Variants in CNTNAP2 observed in about 807,000 individuals in gnomAD.
The protein encoded by CNTNAP2 is contactin associated protein 2, also known as contactin-associated protein-like 2.
Under a neutral mutation model 155.2 loss-of-function variants are expected in CNTNAP2, and 98 were observed. The observed-to-expected ratio is 0.63, with a 90% CI of 0.54 to 0.75. The LOEUF (loss-of-function observed/expected upper bound fraction) is 0.75, where lower values mean the gene tolerates loss of function less well. Ranked by LOEUF, CNTNAP2 falls within the 30% of genes least tolerant of loss-of-function variation. The probability of loss-of-function intolerance (pLI) is 0.00; values close to 1 mark genes in which losing one functional copy is unlikely to be tolerated. For synonymous variants in CNTNAP2, 651 were observed against 631.2 expected (o/e 1.03, Z -0.47); for missense variants, 1,727 against 1,688.1 (o/e 1.02, Z -0.40).
intron 4 of CNTNAP2, among the ~76,000 whole-genome samples, chr7:147,087,889 T>A (rs567378826): frequency 2.0e-5 from 3 of 151,936 alleles, no homozygotes; most frequent in East Asian, 3.9e-4. Context: ...AGGCAGGAGA[T>A]CCCCTTGAAC....
intron 9 of CNTNAP2, among the ~76,000 whole-genome samples, chr7:147,324,291 A>G (rs535015129): frequency 6.6e-6 from 1 of 152,324 alleles, no homozygotes; most frequent in South Asian, 2.1e-4. Flanking sequence ...CATCTTTTCA[A>G]TGAATTCATA....
In CNTNAP2 at chr7:146,139,118, C is replaced by G. The variant is rs1217050298; in HGVS notation, c.97+22145C>G. On this transcript the variant is annotated intron_variant, in intron 1 of 23. Coordinates refer to ENST00000361727, the MANE Select transcript of CNTNAP2 (RefSeq NM_014141.6). ...CCACTATAGTGTATTGGTTGTTAAC[C>G]CTCGTGATTGCGTGGGTGACTGGGA... is the stretch of plus-strand genomic sequence containing the variant. Among the ~76,000 whole-genome samples the G allele has an allele frequency of 2.6e-5, 4 of 152,022 alleles. No homozygotes were observed. The East Asian group carries it at 5.8e-4, about 22-fold the overall frequency.
intron 1 of CNTNAP2, among the ~76,000 whole-genome samples, chr7:146,427,667 A>C (rs891665494): frequency 6.6e-6 from 1 of 152,182 alleles, no homozygotes; most frequent in South Asian, 2.1e-4. Flanking sequence ...TTTTGCCTAT[A>C]GTTACATACG....
intron 18 of CNTNAP2, among the ~76,000 whole-genome samples, chr7:148,174,773 G>A (rs1370914861): frequency 1.3e-5 from 2 of 152,058 alleles, no homozygotes; most frequent in Non-Finnish European, 2.9e-5. Context: ...TAAGTTCTGC[G>A]ATACATGTGC....
chr7:147,090,848 G>A (rs191937718), intron 4 of CNTNAP2, among the ~76,000 whole-genome samples: 26 of 152,234 alleles, frequency 1.7e-4, no homozygotes, highest in African/African-American at 6.0e-4. Flanking sequence ...GCGTTTCAAT[G>A]TCTGTGGATT....
intron 11 of CNTNAP2, among the ~76,000 whole-genome samples, chr7:147,553,645 A>G (rs1176702646): frequency 1.3e-5 from 2 of 152,144 alleles, no homozygotes; most frequent in East Asian, 3.8e-4. Flanking sequence ...AGGGCAAGGT[A>G]TAGTGTTAGA....
intron 13 of CNTNAP2, among the ~76,000 whole-genome samples, chr7:147,689,887 C>T (rs754052394): frequency 9.9e-5 from 15 of 152,100 alleles, no homozygotes; most frequent in Admixed American, 2.0e-4. Flanking sequence ...GACTTGTCCC[C>T]ATCCCTTTTA....
rs1007520343 is a variant in CNTNAP2, at chr7:147,387,118, C to T, written c.1499-8491C>T. Among the ~76,000 whole-genome samples the T allele has an allele frequency of 5.9e-5, 9 of 152,170 alleles. No individual in the cohort carries two copies. The East Asian group carries it at 1.2e-3, about 20-fold the overall frequency. ...CCCCATGACTCAATTACCTCCCACT[C>T]GGTTTGTCCCATGACACATGGAAAT... is the stretch of plus-strand genomic sequence containing the variant. On this transcript the variant is annotated intron_variant, in intron 9 of 23. Transcript: ENST00000361727.
At chr7:148,372,195 C>T (rs1485550488) in intron 21 of CNTNAP2, among the ~76,000 whole-genome samples, 5 of 151,528 alleles carry the variant, frequency 3.3e-5, no homozygotes, top group Non-Finnish European at 2.9e-5. Context: ...AACAAGACTC[C>T]GTCTCAAAAA....
intron 20 of CNTNAP2, among the ~76,000 whole-genome samples, chr7:148,238,116 C>T (rs372973798): frequency 6.6e-6 from 1 of 152,236 alleles, no homozygotes; most frequent in African/African-American, 2.4e-5. Context: ...TTCGGGAGGC[C>T]GAGGCGGGTG....
chr7:147,549,833 C>G (rs530059682), intron 11 of CNTNAP2, among the ~76,000 whole-genome samples: 54 of 152,312 alleles, frequency 3.5e-4, no homozygotes, highest in African/African-American at 1.2e-3. Flanking sequence ...CATTTCTTAT[C>G]ACATACACCC....
intron 1 of CNTNAP2, among the ~76,000 whole-genome samples, chr7:146,277,475 C>G (rs1489707044): frequency 1.3e-5 from 2 of 152,138 alleles, no homozygotes; most frequent in Admixed American, 1.3e-4. Flanking sequence ...CTGAGCCAGT[C>G]AGTGGTAAAA....
intron 13 of CNTNAP2, among the ~76,000 whole-genome samples, chr7:147,718,787 G>A (rs1304341643): frequency 6.6e-6 from 1 of 152,126 alleles, no homozygotes; most frequent in Non-Finnish European, 1.5e-5. Flanking sequence ...TTATATTGCA[G>A]AGCAGCACTT....
intron 8 of CNTNAP2, among the ~76,000 whole-genome samples, chr7:147,225,030 C>T (rs1803490006): frequency 6.6e-6 from 1 of 152,164 alleles, no homozygotes; most frequent in African/African-American, 2.4e-5. Flanking sequence ...CAGCGTAGAA[C>T]ATTTGATAAA....
chr7:146,138,478 T>C (rs1797829383), intron 1 of CNTNAP2, among the ~76,000 whole-genome samples: 2 of 152,154 alleles, frequency 1.3e-5, no homozygotes, highest in Admixed American at 1.3e-4. Context: ...AAATGATAAG[T>C]GATCATGAAA....
chr7:147,365,462 T>C (rs1459980377), intron 9 of CNTNAP2, among the ~76,000 whole-genome samples: 2 of 151,714 alleles, frequency 1.3e-5, no homozygotes, highest in Non-Finnish European at 2.9e-5. Context: ...TTTCTGGCTA[T>C]TGTCACACAT....
intron 1 of CNTNAP2, among the ~76,000 whole-genome samples, chr7:146,377,800 G>A (rs1399206540): frequency 6.6e-6 from 1 of 152,084 alleles, no homozygotes; most frequent in Non-Finnish European, 1.5e-5. Flanking sequence ...ATTAGGGCAG[G>A]GGCTATAAAA....
At chr7:147,933,800 T>A (rs1348147995) in intron 14 of CNTNAP2, among the ~76,000 whole-genome samples, 1 of 151,916 alleles carries the variant, frequency 6.6e-6, no homozygotes, top group African/African-American at 2.4e-5. Context: ...GAGGCAGAGG[T>A]TGCAGTGAGC....
At chr7:148,060,972 T>G (rs1803117285) in intron 15 of CNTNAP2, among the ~76,000 whole-genome samples, 1 of 152,140 alleles carries the variant, frequency 6.6e-6, no homozygotes, top group Admixed American at 6.6e-5. Flanking sequence ...ATGATCAAAG[T>G]GTTGAGAGAA....
Sources: allele counts gnomAD v4.1 joint callset (sites outside exome capture counted in the v4.1 genomes callset), GRCh38; gene constraint gnomAD v4.1.1; transcripts MANE v1.5; gene names NCBI Gene and HGNC (gene_info 2026-07-23, HGNC 2026-07-21).